GNAQ: variants seen among roughly 807,000 people sequenced by gnomAD.
The protein encoded by GNAQ is G protein subunit alpha q.
Under a neutral mutation model 43.9 loss-of-function variants are expected in GNAQ, and 8 were observed. The ratio of observed to expected loss-of-function variants is 0.18; its 90% CI spans 0.11 to 0.33. The LOEUF is 0.33. Among genes scored for constraint, GNAQ ranks in the 10% least tolerant of loss-of-function variants. GNAQ has a pLI of 1.00. For missense variants in GNAQ, 158 were observed against 450.8 expected, an observed-to-expected ratio of 0.35 and a Z score of 5.88; for synonymous variants, 155 against 170.7, an observed-to-expected ratio of 0.91 and a Z score of 0.71.
At chr9:77,975,193 T>A (rs1823283283) in intron 1 of GNAQ, among the ~76,000 whole-genome samples, 1 of 152,186 alleles carries the variant, frequency 6.6e-6, no homozygotes, top group South Asian at 2.1e-4. Context: ...GATAAAAAAT[T>A]GTATTGCAGC....
intron 1 of GNAQ, among the ~76,000 whole-genome samples, chr9:78,026,067 T>C (rs1823976079): frequency 2.0e-5 from 3 of 152,182 alleles, no homozygotes; most frequent in Admixed American, 2.0e-4. Flanking sequence ...GAGATGGTTT[T>C]CTTTTTTAAT....
chr9:77,922,230 G>A lies in GNAQ; in HGVS notation c.252C>T (p.Phe84=), dbSNP rs1416888610. 1.2e-6 allele frequency: 2 copies of A among 1,613,486 alleles called. No homozygotes were observed. Among genetic ancestry groups the A allele is most frequent in the African/African-American group, 1.3e-5 (1 of 74,894 alleles). The change falls in exon 2 of 7, where the codon TTC becomes TTT. Residue 84 remains phenylalanine (F), a synonymous_variant. Coordinates refer to ENST00000286548, the MANE Select transcript of GNAQ (RefSeq NM_002072.5). The stretch of plus-strand genomic sequence containing the variant: ...CTCTGATCATGGCCTGCATGGCCGT[G>A]AAGATGTTCTGATACACCAGCTTGG... ...GFTKLVYQNI[F]TAMQAMIRAM... is the part of the protein sequence containing the mutation.
rs1826430598 is a variant in GNAQ, at chr9:77,783,568, C to A, written c.735+10895G>T. 5.9e-5 allele frequency among the ~76,000 whole-genome samples: 9 copies of A among 152,262 alleles called. 2 individuals are homozygous for A. The South Asian group carries it at 1.9e-3, about 32-fold the overall frequency. Reference sequence around the variant, plus strand: ...CCCAACCTCTTCAAGTCACTGCCTGCCTGTGCGGGCTCCCACTGCTGCTCT... The same window carrying A: ...CCCAACCTCTTCAAGTCACTGCCTGACTGTGCGGGCTCCCACTGCTGCTCT... On this transcript the variant is annotated intron_variant, in intron 5 of 6. Transcript: ENST00000286548.
At chr9:77,752,770 A>G (rs1361017164) in intron 5 of GNAQ, among the ~76,000 whole-genome samples, 3 of 152,144 alleles carry the variant, frequency 2.0e-5, no homozygotes, top group Non-Finnish European at 2.9e-5. Flanking sequence ...TCCCCAAGTG[A>G]CTTTAAATTT....
intron 1 of GNAQ, among the ~76,000 whole-genome samples, chr9:77,968,534 G>A (rs985244825): frequency 1.3e-5 from 2 of 152,080 alleles, no homozygotes; most frequent in African/African-American, 4.8e-5. Context: ...CAATAGCAAA[G>A]CAAAAAAGTA....
chr9:78,003,516 TAAAAA>T (rs1823667978), intron 1 of GNAQ, among the ~76,000 whole-genome samples: 1 of 152,092 alleles, frequency 6.6e-6, no homozygotes, highest in African/African-American at 2.4e-5. Context: ...ACACTGAGAC[TAAAAA>T]TGACAAGCTG....
chr9:77,915,766 C>T (rs1286619926), intron 2 of GNAQ, among the ~76,000 whole-genome samples: 1 of 152,092 alleles, frequency 6.6e-6, no homozygotes, highest in Non-Finnish European at 1.5e-5. Flanking sequence ...CTTTCCACTC[C>T]AGAATAAGAA....
At chr9:77,886,387 A>T (rs1828306012) in intron 2 of GNAQ, among the ~76,000 whole-genome samples, 1 of 21,876 alleles carries the variant, frequency 4.6e-5, no homozygotes, top group Admixed American at 5.4e-4. Flanking sequence ...CTATGCTCTT[A>T]AAAAAAAAAA....
chr9:77,992,353 A>G (rs1381414735), intron 1 of GNAQ, among the ~76,000 whole-genome samples: 1 of 152,210 alleles, frequency 6.6e-6, no homozygotes, highest in East Asian at 1.9e-4. Context: ...ATCACTTGCA[A>G]GTTAACCGTA....
intron 1 of GNAQ, among the ~76,000 whole-genome samples, chr9:78,001,864 T>C (rs577380369): frequency 1.3e-5 from 2 of 152,234 alleles, no homozygotes; most frequent in Admixed American, 6.5e-5. Flanking sequence ...AGTATTCTAC[T>C]ACACAAGTTC....
chr9:77,892,040 T>C (rs941545456), intron 2 of GNAQ, among the ~76,000 whole-genome samples: 4 of 151,994 alleles, frequency 2.6e-5, no homozygotes, highest in Non-Finnish European at 5.9e-5. Context: ...GATTGTTTTT[T>C]TGTTTGTTTG....
chr9:77,881,233 G>A (rs1326553726), intron 2 of GNAQ, among the ~76,000 whole-genome samples: 1 of 152,126 alleles, frequency 6.6e-6, no homozygotes, highest in Non-Finnish European at 1.5e-5. Context: ...CACCTACACA[G>A]ACACACATTA....
At chr9:77,977,216 T>G (rs945421078) in intron 1 of GNAQ, among the ~76,000 whole-genome samples, 6 of 152,088 alleles carry the variant, frequency 3.9e-5, no homozygotes, top group Non-Finnish European at 8.8e-5. Context: ...GCACTAACCC[T>G]CTAGTTAGCT....
intron 1 of GNAQ, among the ~76,000 whole-genome samples, chr9:78,004,651 C>T (rs1010048929): frequency 2.0e-5 from 3 of 152,084 alleles, no homozygotes; most frequent in Non-Finnish European, 4.4e-5. Context: ...CATACCAATA[C>T]CTCCTGCACA....
At chr9:77,916,611 A>T (rs1463021698) in intron 2 of GNAQ, among the ~76,000 whole-genome samples, 2 of 152,188 alleles carry the variant, frequency 1.3e-5, no homozygotes, top group Admixed American at 6.5e-5. Context: ...GTAGCAATAC[A>T]TCCTCTCATA....
chr9:78,020,980 C>T (rs1823901573), intron 1 of GNAQ, among the ~76,000 whole-genome samples: 1 of 151,918 alleles, frequency 6.6e-6, no homozygotes, highest in African/African-American at 2.4e-5. Context: ...GCATGAGAGT[C>T]CAGCTGCTCT....
chr9:77,982,942 TATA>T lies in GNAQ; in HGVS notation c.136+48155_136+48157del, dbSNP rs1823387131. Among the ~76,000 whole-genome samples, 2 of 152,102 alleles carry T rather than the reference TATA, an allele frequency of 1.3e-5. 1 individual carries two copies. Among genetic ancestry groups the T allele is most frequent in the Middle Eastern group, 6.8e-3 (2 of 294 alleles). Reference sequence around the variant, plus strand: ...TGCACATGTACACTAGAACTTAAAGTATAATAATAAAAAAATAAAAAAGTCAAA... The same window carrying T: ...TGCACATGTACACTAGAACTTAAAGTATAATAAAAAAATAAAAAAGTCAAA... On this transcript the variant is annotated intron_variant, in intron 1 of 6. Transcript: ENST00000286548.
intron 2 of GNAQ, among the ~76,000 whole-genome samples, chr9:77,890,519 T>C (rs1019943860): frequency 1.3e-5 from 2 of 152,058 alleles, no homozygotes; most frequent in African/African-American, 2.4e-5. Flanking sequence ...TGGTTGGAAG[T>C]TCGAGATCAG....
intron 2 of GNAQ, among the ~76,000 whole-genome samples, chr9:77,917,489 A>G (rs1425430896): frequency 1.3e-5 from 2 of 152,114 alleles, no homozygotes; most frequent in African/African-American, 4.8e-5. Context: ...ACAAACCTGC[A>G]CATGTGCCCC....
Sources: allele counts gnomAD v4.1 joint callset (sites outside exome capture counted in the v4.1 genomes callset), GRCh38; gene constraint gnomAD v4.1.1; transcripts MANE v1.5; gene names NCBI Gene and HGNC (gene_info 2026-07-23, HGNC 2026-07-21).